Variants in TMEM50A observed in about 807,000 individuals in gnomAD.
The protein encoded by TMEM50A is transmembrane protein 50A, also known as cervical cancer oncogene 9.
A neutral mutation model predicts 23.9 loss-of-function variants in TMEM50A; 8 were observed. The observed-to-expected ratio is 0.33, with a 90% confidence interval of 0.20 to 0.60. The LOEUF (loss-of-function observed/expected upper bound fraction) is 0.60. Ranked by LOEUF, TMEM50A falls within the 20% of genes least tolerant of loss-of-function variation. The pLI, the probability that TMEM50A is intolerant of heterozygous loss-of-function variation, is 0.81. For synonymous variants in TMEM50A, 55 were observed against 60.4 expected (o/e 0.91, Z 0.41); for missense variants, 178 against 192.7 (o/e 0.92, Z 0.45).
At chr1:25,343,247 T>C (rs1291274190) in intron 3 of TMEM50A, among the ~76,000 whole-genome samples, 174 bp downstream of exon 3, 2 of 152,192 alleles carry the variant, frequency 1.3e-5, no homozygotes, top group Non-Finnish European at 1.5e-5. Flanking sequence ...TCCTCTTTAT[T>C]CTTTTTGTGT....
intron 3 of TMEM50A, among the ~76,000 whole-genome samples, chr1:25,344,262 A>G (rs1394105056): frequency 6.6e-6 from 1 of 152,200 alleles, no homozygotes; most frequent in Non-Finnish European, 1.5e-5. Flanking sequence ...CTTTACTTTC[A>G]TTGTAAGTGT....
At chr1:25,355,833 C>A (rs1225053533) in intron 5 of TMEM50A, among the ~76,000 whole-genome samples, 5 of 152,194 alleles carry the variant, frequency 3.3e-5, no homozygotes, top group Non-Finnish European at 5.9e-5. Context: ...TCCAGCAGTC[C>A]TTCCAATCTT....
chr1:25,354,290 A>G (rs1645310385), intron 5 of TMEM50A, among the ~76,000 whole-genome samples: 1 of 152,114 alleles, frequency 6.6e-6, no homozygotes, highest in Admixed American at 6.6e-5. Flanking sequence ...AGGCCTAGCC[A>G]TGTGTAATTT....
rs192096517 is a variant in TMEM50A, at chr1:25,352,213, C to T, written c.274+520C>T. On this transcript the variant is annotated intron_variant, in intron 4 of 6. Coordinates refer to ENST00000374358, the MANE Select transcript of TMEM50A (RefSeq NM_014313.4). ...AAAGTACTCTTGGAAGATCTGGGAG[C>T]GGCCGGGCACAGTGGCTCACGGCTG... Among the ~76,000 whole-genome samples the T allele has an allele frequency of 1.8e-3, 280 of 152,030 alleles. 3 individuals are homozygous for T. Among genetic ancestry groups the T allele is most frequent in the African/African-American group, 5.2e-3 (214 of 41,474 alleles).
rs1160914016 is a variant in TMEM50A at position 25,361,175 on chromosome 1, G to C, written c.*470G>C. ...GTCAAAATTCTTCCTCACTATAATT[G>C]GTATTTACTTTTACCAAAAATTCTG... On this transcript the variant is annotated 3_prime_UTR_variant, in exon 7 of 7. Transcript: ENST00000374358. 1 of 156,634 alleles carries C rather than the reference G, an allele frequency of 6.4e-6. No homozygotes were observed. The highest frequency in any genetic ancestry group is 1.4e-5 in the Non-Finnish European group (1 of 70,828). 9.7% of individuals were successfully genotyped at this position (156,634 alleles called of 1,614,324 possible). A position where few individuals can be genotyped will look rare whatever the true frequency, so the allele number is the denominator to read the frequency against.
Position 25,362,303 on chromosome 1 carries a change from C to T in TMEM50A, c.*1598C>T. 2.1e-6 allele frequency: 2 copies of T among 971,334 alleles called. No individual in the cohort carries two copies. The highest frequency in any genetic ancestry group is 3.0e-6 in the Non-Finnish European group (2 of 658,116). 60.2% of individuals were successfully genotyped at this position (971,334 alleles called of 1,614,324 possible). On this transcript the variant is annotated 3_prime_UTR_variant, in exon 7 of 7. Coordinates refer to ENST00000374358, the MANE Select transcript of TMEM50A (RefSeq NM_014313.4). ...TCTGTAACCAAGAAAATATTGATAGCATCATCCTAATGAAACTAAACATTT... is the reference window on the plus strand; with the variant it reads ...TCTGTAACCAAGAAAATATTGATAGTATCATCCTAATGAAACTAAACATTT...
chr1:25,357,562 T>TGTGTGTGTGTGTTG (rs397778370), intron 6 of TMEM50A, among the ~76,000 whole-genome samples: 1 of 132,016 alleles, frequency 7.6e-6, no homozygotes, highest in African/African-American at 3.2e-5. Flanking sequence ...TGTGTGTGTG[T>TGTGTGTGTGTGTTG]TGTGTGTGTG....
chr1:25,352,730 T>C (rs769865355), intron 4 of TMEM50A, 152 bp from the exon 5 acceptor site: 2 of 634,578 alleles, frequency 3.2e-6, no homozygotes, highest in Non-Finnish European at 2.6e-6. Flanking sequence ...GGTACACTGA[T>C]GAAGATGTTT....
intron 6 of TMEM50A, among the ~76,000 whole-genome samples, chr1:25,357,566 G>A (rs1020883697): frequency 1.0e-4 from 15 of 147,578 alleles, no homozygotes; most frequent in African/African-American, 3.8e-4. Flanking sequence ...TGTGTGTTGT[G>A]TGTGTGTGTG....
intron 2 of TMEM50A, 36 bp downstream of exon 2, chr1:25,340,615 G>A (rs770480955): frequency 8.4e-6 from 13 of 1,542,532 alleles, no homozygotes; most frequent in Non-Finnish European, 1.1e-5. Flanking sequence ...TTATTTTTTG[G>A]TGCGTTTGTG....
Position 25,356,803 on chromosome 1 carries a change from A to G in TMEM50A, c.378A>G (p.Ile126Met), listed in dbSNP as rs890841863. ...CAATTATTTTTACAGAAAAAGACAT[A>G]GTATACCCTGGAATTGCTGTATTTT... ...FGGYVAKEKD[I>M]VYPGIAVFFQ... Residue 126 changes from isoleucine to methionine, a missense_variant, in exon 6 of 7, where the codon ATA (isoleucine) becomes ATG (methionine). Ile to Met is a conservative substitution (Grantham distance 10). Transcript: ENST00000374358. 3.2e-6 allele frequency: 5 copies of G among 1,587,196 alleles called. No individual in the cohort carries two copies. The highest frequency in any genetic ancestry group is 4.3e-6 in the Non-Finnish European group (5 of 1,171,436).
intron 2 of TMEM50A, among the ~76,000 whole-genome samples, chr1:25,341,929 T>G (rs1217328202): frequency 6.6e-6 from 1 of 152,054 alleles, no homozygotes; most frequent in East Asian, 1.9e-4. Context: ...CAGGCTGGTC[T>G]CCTACTCCTG....
chr1:25,360,774 A>G lies in TMEM50A; in HGVS notation c.*69A>G, dbSNP rs1302524319. Reference sequence around the variant, plus strand: ...TTTGTTTTTTTACTGCTCACTCCCAACCTTTTGTAATGCCATTTTCTAAAC... The same window carrying G: ...TTTGTTTTTTTACTGCTCACTCCCAGCCTTTTGTAATGCCATTTTCTAAAC... On this transcript the variant is annotated 3_prime_UTR_variant, in exon 7 of 7. Transcript: ENST00000374358. 1.3e-6 allele frequency: 2 copies of G among 1,513,170 alleles called. No individual in the cohort carries two copies. Among genetic ancestry groups the G allele is most frequent in the Non-Finnish European group, 1.8e-6 (2 of 1,096,352 alleles). The allele number at this position is 1,513,170 out of a possible 1,614,324, so 93.7% of individuals were successfully genotyped here.
intron 5 of TMEM50A, among the ~76,000 whole-genome samples, chr1:25,355,890 C>T (rs1202992465): frequency 6.6e-6 from 1 of 152,192 alleles, no homozygotes; most frequent in East Asian, 1.9e-4. Context: ...AGGCCAAAAG[C>T]CCTAGATGGT....
chr1:25,358,993 G>A (rs3093638), intron 6 of TMEM50A, among the ~76,000 whole-genome samples: 59,976 of 152,072 alleles, frequency 0.39, 13,662 homozygotes, highest in East Asian at 0.72. Context: ...GGGCTCAAGC[G>A]ATCTGCCCGC....
chr1:25,346,704 ATTATT>A (rs961519962), intron 3 of TMEM50A, among the ~76,000 whole-genome samples: 2 of 152,038 alleles, frequency 1.3e-5, no homozygotes, highest in African/African-American at 2.4e-5. Flanking sequence ...CTCTGCCTTT[ATTATT>A]TTAAAAATGT....
intron 2 of TMEM50A, 35 bp from the exon 3 acceptor site, chr1:25,342,926 G>A (rs374836378): frequency 2.2e-5 from 35 of 1,561,378 alleles, no homozygotes; most frequent in Non-Finnish European, 2.7e-5. Context: ...ATACAGAATT[G>A]CTATGATTTC....
chr1:25,341,725 CA>C (rs1388815970), intron 2 of TMEM50A, among the ~76,000 whole-genome samples: 10 of 152,112 alleles, frequency 6.6e-5, no homozygotes, highest in Non-Finnish European at 1.3e-4. Flanking sequence ...GACAGGGTCT[CA>C]CTCTGTCTCC....
chr1:25,362,054 G>A lies in TMEM50A; in HGVS notation c.*1349G>A. On this transcript the variant is annotated 3_prime_UTR_variant, in exon 7 of 7. Coordinates refer to ENST00000374358, the MANE Select transcript of TMEM50A (RefSeq NM_014313.4). ...ACTGAGCACAACCTCTTTCCCCACA[G>A]TGCAATTCAGAATATGCTCAGGGAA... 1 of 284,400 alleles carries A rather than the reference G, an allele frequency of 3.5e-6. No individual in the cohort carries two copies. The highest frequency in any genetic ancestry group is 6.8e-6 in the Non-Finnish European group (1 of 147,728). The allele number at this position is 284,400 out of a possible 1,614,324, so 17.6% of individuals were successfully genotyped here.
Sources: gnomAD v4.1 joint callset for allele counts (sites outside exome capture counted in the v4.1 genomes callset) on GRCh38, gnomAD v4.1.1 for gene constraint, MANE v1.5 for transcripts, NCBI Gene and HGNC (gene_info 2026-07-23, HGNC 2026-07-21) for gene names.